Variants in CDIN1 observed in about 807,000 individuals in gnomAD.
CDIN1 encodes the protein CDAN1-interacting nuclease 1.
A neutral mutation model predicts 45.3 loss-of-function variants in CDIN1; 33 were observed. That is an observed-to-expected ratio of 0.73 (90% CI 0.55 to 0.97). The LOEUF (loss-of-function observed/expected upper bound fraction) is 0.97, where lower values mean the gene tolerates loss of function less well. Ranked by LOEUF, CDIN1 falls within the 50% of genes least tolerant of loss-of-function variation. The pLI is 0.00. For missense variants in CDIN1, 303 were observed against 339.4 expected (o/e 0.89, Z 0.84); for synonymous variants, 118 against 124.4 (o/e 0.95, Z 0.34).
At chr15:36,777,708 T>G (rs2054255947) in intron 10 of CDIN1, among the ~76,000 whole-genome samples, 1 of 152,296 alleles carries the variant, frequency 6.6e-6, no homozygotes, top group African/African-American at 2.4e-5. Flanking sequence ...CCTCCCAGGC[T>G]CAAGCAATCC....
intron 10 of CDIN1, among the ~76,000 whole-genome samples, chr15:36,783,740 C>T (rs1320755022): frequency 6.6e-6 from 1 of 152,148 alleles, no homozygotes; most frequent in Non-Finnish European, 1.5e-5. Context: ...ATTTACCCCT[C>T]TATTTGTTAG....
At chr15:36,701,573 C>T (rs1161199032) in intron 8 of CDIN1, among the ~76,000 whole-genome samples, 5 of 152,144 alleles carry the variant, frequency 3.3e-5, no homozygotes, top group Non-Finnish European at 7.4e-5. Context: ...GGCATATCTC[C>T]AGGTTGGAGG....
intron 4 of CDIN1, among the ~76,000 whole-genome samples, chr15:36,654,360 T>C (rs1325595836): frequency 6.6e-6 from 1 of 152,162 alleles, no homozygotes; most frequent in Non-Finnish European, 1.5e-5. Flanking sequence ...TTGACATAAT[T>C]AGTCTACTTC....
At chr15:36,646,343 G>A (rs533375723) in intron 3 of CDIN1, among the ~76,000 whole-genome samples, 1 of 152,238 alleles carries the variant, frequency 6.6e-6, no homozygotes, top group South Asian at 2.1e-4. Flanking sequence ...ATTATTCACT[G>A]CTATATGTGG....
intron 10 of CDIN1, among the ~76,000 whole-genome samples, chr15:36,767,311 A>G (rs553299092): frequency 6.6e-6 from 1 of 152,206 alleles, no homozygotes; most frequent in South Asian, 2.1e-4. Flanking sequence ...TGTAATGTAG[A>G]TGTATTTTTG....
chr15:36,654,324 A>G (rs747074378), intron 4 of CDIN1, among the ~76,000 whole-genome samples, 166 bp downstream of exon 4: 2 of 152,214 alleles, frequency 1.3e-5, no homozygotes, highest in Non-Finnish European at 2.9e-5. Context: ...TAATTGGACA[A>G]AGAACTTCAC....
Position 36,667,614 on chromosome 15 carries a change from A to G in CDIN1, c.346+9709A>G, listed in dbSNP as rs78557299. On this transcript the variant is annotated intron_variant, in intron 5 of 10. Coordinates refer to ENST00000566621, the MANE Select transcript of CDIN1 (RefSeq NM_001321759.2). ...GGTACTCCTACAAATTGTACAGAGAATCAATAAAACCAATATTACGTCACA... is the reference window on the plus strand; with the variant it reads ...GGTACTCCTACAAATTGTACAGAGAGTCAATAAAACCAATATTACGTCACA... Among the ~76,000 whole-genome samples the G allele has an allele frequency of 7.1e-3, 1,081 of 152,298 alleles. 12 individuals carry two copies. The highest frequency in any genetic ancestry group is 0.025 in the African/African-American group (1,022 of 41,558).
At chr15:36,623,530 C>T (rs900250677) in intron 1 of CDIN1, among the ~76,000 whole-genome samples, 3 of 152,160 alleles carry the variant, frequency 2.0e-5, no homozygotes, top group African/African-American at 4.8e-5. Flanking sequence ...GTGCAGGCTC[C>T]ATTCTTTTGG....
intron 10 of CDIN1, among the ~76,000 whole-genome samples, chr15:36,803,871 T>C (rs191193254): frequency 3.3e-5 from 5 of 152,346 alleles, no homozygotes; most frequent in Admixed American, 3.3e-4. Flanking sequence ...CCTTAAAATA[T>C]GACACCAGAA....
intron 10 of CDIN1, among the ~76,000 whole-genome samples, chr15:36,783,773 T>C (rs190081893): frequency 2.0e-5 from 3 of 152,182 alleles, no homozygotes; most frequent in Non-Finnish European, 4.4e-5. Context: ...TGACAAACAC[T>C]GTACCACAAA....
intron 4 of CDIN1, 130 bp from the exon 5 acceptor site, chr15:36,657,703 A>C: frequency 1.5e-6 from 1 of 676,084 alleles, no homozygotes; most frequent in East Asian, 2.9e-5. Flanking sequence ...CAAGGGTGGG[A>C]AAGATTTTAA....
chr15:36,621,309 C>G (rs1170774139), intron 1 of CDIN1, among the ~76,000 whole-genome samples: 2 of 152,146 alleles, frequency 1.3e-5, no homozygotes, highest in African/African-American at 4.8e-5. Flanking sequence ...CCTTCCAACT[C>G]TAAGTTAAGC....
rs2043950419 is a variant in CDIN1, at chr15:36,734,628, A to G, written c.716+24667A>G. On this transcript the variant is annotated intron_variant, in intron 10 of 10. Coordinates refer to ENST00000566621, the MANE Select transcript of CDIN1 (RefSeq NM_001321759.2). ...TTGGAGAGCCAGTCTGCTCTCATCC[A>G]AGCACACACACATCAGTATTTACTG... Among the ~76,000 whole-genome samples the G allele has an allele frequency of 2.0e-5, 3 of 152,260 alleles. No homozygotes were observed. In the South Asian group the frequency reaches 6.2e-4, roughly 32 times the overall value.
chr15:36,639,575 G>T lies in CDIN1; in HGVS notation c.102-4703G>T, dbSNP rs542825252. On this transcript the variant is annotated intron_variant, in intron 1 of 10. Coordinates refer to ENST00000566621, the MANE Select transcript of CDIN1 (RefSeq NM_001321759.2). ...TGTACTCCATCCTGGGTGACAGAGC[G>T]AGACTCTGTCTCAAAAAAAACTGCC... is the stretch of plus-strand genomic sequence containing the variant. 2.0e-5 allele frequency among the ~76,000 whole-genome samples: 3 copies of T among 152,222 alleles called. No individual in the cohort carries two copies. The South Asian group carries it at 6.2e-4, about 32-fold the overall frequency.
At chr15:36,584,665 A>G (rs898927096) in intron 1 of CDIN1, among the ~76,000 whole-genome samples, 4 of 152,160 alleles carry the variant, frequency 2.6e-5, no homozygotes, top group Admixed American at 6.5e-5. Flanking sequence ...GCTGCAAGGT[A>G]TGAAGCCATC....
intron 1 of CDIN1, among the ~76,000 whole-genome samples, chr15:36,588,951 GA>G (rs2037437882): frequency 6.6e-6 from 1 of 151,958 alleles, no homozygotes; most frequent in South Asian, 2.1e-4. Context: ...AATTTGGGGG[GA>G]ATTTTCATGT....
chr15:36,770,063 C>T (rs2054029951), intron 10 of CDIN1, among the ~76,000 whole-genome samples: 1 of 152,132 alleles, frequency 6.6e-6, no homozygotes, highest in Non-Finnish European at 1.5e-5. Flanking sequence ...TTTTCTTCCC[C>T]ACTCAGCTTG....
At chr15:36,787,341 A>G (rs2054517697) in intron 10 of CDIN1, among the ~76,000 whole-genome samples, 1 of 152,214 alleles carries the variant, frequency 6.6e-6, no homozygotes, top group Admixed American at 6.5e-5. Context: ...CATCACTACC[A>G]TTGAAATGTG....
At chr15:36,739,118 T>G (rs1016360710) in intron 10 of CDIN1, among the ~76,000 whole-genome samples, 64 of 152,262 alleles carry the variant, frequency 4.2e-4, no homozygotes, top group African/African-American at 1.4e-3. Context: ...CAAGGCTGGG[T>G]GCAGTGGCTC....
Sources: gnomAD v4.1 joint callset for allele counts (sites outside exome capture counted in the v4.1 genomes callset) on GRCh38, gnomAD v4.1.1 for gene constraint, MANE v1.5 for transcripts, NCBI Gene and HGNC (gene_info 2026-07-23, HGNC 2026-07-21) for gene names.